SH3RF2: variants seen among roughly 807,000 people sequenced by gnomAD.
SH3RF2 encodes SH3 domain containing ring finger 2, also known as E3 ubiquitin-protein ligase SH3RF2.
A neutral mutation model predicts 59.0 loss-of-function variants in SH3RF2; 43 were observed. The ratio of observed to expected loss-of-function variants is 0.73; its 90% CI spans 0.57 to 0.94. The LOEUF (loss-of-function observed/expected upper bound fraction) is 0.94, where lower values mean the gene tolerates loss of function less well. Among genes scored for constraint, SH3RF2 ranks in the 40% least tolerant of loss-of-function variants. The probability of loss-of-function intolerance (pLI) is 0.00; values close to 1 mark genes in which losing one functional copy is unlikely to be tolerated. For synonymous variants in SH3RF2, 391 were observed against 391.5 expected (o/e 1.00, Z 0.01); for missense variants, 930 against 940.1 (o/e 0.99, Z 0.14).
intron 4 of SH3RF2, among the ~76,000 whole-genome samples, chr5:146,011,164 G>T (rs553975871): frequency 6.6e-6 from 1 of 151,928 alleles, no homozygotes; most frequent in African/African-American, 2.4e-5. Flanking sequence ...TATTTTTGTC[G>T]CGTTTGTCAA....
intron 2 of SH3RF2, among the ~76,000 whole-genome samples, chr5:145,981,473 T>G (rs1467332016): frequency 6.6e-6 from 1 of 152,188 alleles, no homozygotes; most frequent in Non-Finnish European, 1.5e-5. Context: ...GCTGATAAAC[T>G]TCCTAAATCT....
chr5:145,948,254 T>G (rs989778260), intron 2 of SH3RF2, among the ~76,000 whole-genome samples: 2 of 152,208 alleles, frequency 1.3e-5, no homozygotes, highest in African/African-American at 4.8e-5. Flanking sequence ...CACATCAAAA[T>G]TTATCATCCC....
At chr5:145,993,809 A>T (rs1298044830) in intron 2 of SH3RF2, among the ~76,000 whole-genome samples, 1 of 152,200 alleles carries the variant, frequency 6.6e-6, no homozygotes, top group East Asian at 1.9e-4. Context: ...CCCTGGAGAC[A>T]TGTTCCCACC....
intron 2 of SH3RF2, among the ~76,000 whole-genome samples, chr5:145,965,450 T>C (rs998196018): frequency 2.6e-5 from 4 of 152,104 alleles, no homozygotes; most frequent in African/African-American, 9.7e-5. Flanking sequence ...GCCATCATCT[T>C]TTTTTTGCCA....
chr5:146,064,835 A>AG (rs1763055491), downstream of SH3RF2, among the ~76,000 whole-genome samples: 1 of 14,416 alleles, frequency 6.9e-5, no homozygotes, highest in Non-Finnish European at 2.3e-3. Context: ...AAAGAAAGAA[A>AG]GAAAGAAAGA....
At position 145,956,820 on chromosome 5, in the gene SH3RF2, G is replaced by A. The variant is rs529499984; in HGVS notation, c.378+18514G>A. On this transcript the variant is annotated intron_variant, in intron 2 of 9. Coordinates refer to ENST00000359120, the MANE Select transcript of SH3RF2 (RefSeq NM_152550.4). ...AATAAGTTACCTAGGTAATTTGGGAGTTAAAGACAAGGAAATGTGACAGAG... is the reference window on the plus strand; with the variant it reads ...AATAAGTTACCTAGGTAATTTGGGAATTAAAGACAAGGAAATGTGACAGAG... Among the ~76,000 whole-genome samples the A allele has an allele frequency of 2.0e-5, 3 of 152,282 alleles. No homozygotes were observed. The South Asian group carries it at 6.2e-4, about 32-fold the overall frequency.
chr5:145,954,681 T>C (rs1758325581), intron 2 of SH3RF2, among the ~76,000 whole-genome samples: 1 of 152,192 alleles, frequency 6.6e-6, no homozygotes. Context: ...ATTTTTATAG[T>C]TTGGGATTTT....
At chr5:146,006,470 T>C (rs1050873507) in intron 4 of SH3RF2, among the ~76,000 whole-genome samples, 2 of 152,096 alleles carry the variant, frequency 1.3e-5, no homozygotes, top group African/African-American at 4.8e-5. Context: ...GGAGTTATGA[T>C]ATGCAACTTA....
intron 1 of SH3RF2, chr5:145,936,968 T>G (rs903284650): frequency 6.6e-6 from 1 of 152,228 alleles, no homozygotes; most frequent in Non-Finnish European, 1.5e-5. Context: ...GAACAAGTAC[T>G]GTTTTCAGAG....
intron 3 of SH3RF2, among the ~76,000 whole-genome samples, 195 bp downstream of exon 3, chr5:146,000,522 T>C (rs918683720): frequency 6.6e-6 from 1 of 152,230 alleles, no homozygotes; most frequent in African/African-American, 2.4e-5. Flanking sequence ...ATATATGTAA[T>C]ATGTGTGTAC....
Position 145,942,678 on chromosome 5 carries a change from A to G in SH3RF2, c.378+4372A>G, listed in dbSNP as rs565133790. Among the ~76,000 whole-genome samples, 4 of 152,336 alleles carry G rather than the reference A, an allele frequency of 2.6e-5. No homozygotes were observed. The South Asian group carries it at 6.2e-4, about 24-fold the overall frequency. On this transcript the variant is annotated intron_variant, in intron 2 of 9. Transcript: ENST00000359120. ...GGTGCCATCTGGGACAGCAAGGACCATATGTAGTAGGTGGAGGAAGACATA... is the reference window on the plus strand; with the variant it reads ...GGTGCCATCTGGGACAGCAAGGACCGTATGTAGTAGGTGGAGGAAGACATA...
chr5:146,032,900 C>T (rs781317829), intron 5 of SH3RF2, among the ~76,000 whole-genome samples: 1 of 152,200 alleles, frequency 6.6e-6, no homozygotes, highest in Non-Finnish European at 1.5e-5. Flanking sequence ...GACTCCTGCC[C>T]TCTAGAACCT....
At chr5:146,018,055 G>A (rs1018639570) in intron 5 of SH3RF2, among the ~76,000 whole-genome samples, 2 of 152,038 alleles carry the variant, frequency 1.3e-5, no homozygotes, top group African/African-American at 4.8e-5. Flanking sequence ...GAAAACTCTG[G>A]GAGTGAAAGA....
intron 9 of SH3RF2, 143 bp downstream of exon 9, chr5:146,060,367 C>G (rs2150022581): frequency 2.9e-6 from 2 of 701,036 alleles, no homozygotes; most frequent in East Asian, 2.9e-5. Flanking sequence ...CTCCTCCTCC[C>G]CAACTCCCCA....
At chr5:145,972,282 C>T (rs972937947) in intron 2 of SH3RF2, among the ~76,000 whole-genome samples, 3 of 152,060 alleles carry the variant, frequency 2.0e-5, no homozygotes, top group African/African-American at 7.2e-5. Context: ...CCCTTAACTA[C>T]AATAGGTGAA....
chr5:145,937,501 C>CA (rs1757632873), intron 1 of SH3RF2, among the ~76,000 whole-genome samples: 1 of 152,058 alleles, frequency 6.6e-6, no homozygotes, highest in African/African-American at 2.4e-5. Flanking sequence ...TTTCCCCGGG[C>CA]AGGGGGTAAA....
At chr5:146,011,391 C>A (rs975383004) in intron 4 of SH3RF2, among the ~76,000 whole-genome samples, 8 of 152,032 alleles carry the variant, frequency 5.3e-5, no homozygotes, top group African/African-American at 7.2e-5. Context: ...ATGAACTTTA[C>A]AGTAGTTTTT....
chr5:145,939,283 G>A (rs570633407), intron 2 of SH3RF2, among the ~76,000 whole-genome samples: 1 of 152,326 alleles, frequency 6.6e-6, no homozygotes, highest in East Asian at 1.9e-4. Flanking sequence ...TACATTCCTT[G>A]AAGTCTTACC....
intron 9 of SH3RF2, among the ~76,000 whole-genome samples, chr5:146,060,963 C>T (rs957760092): frequency 2.0e-5 from 3 of 152,158 alleles, no homozygotes; most frequent in Non-Finnish European, 4.4e-5. Flanking sequence ...ATGCTTATTG[C>T]TGTCTTAATT....
Sources: gnomAD v4.1 joint callset for allele counts (sites outside exome capture counted in the v4.1 genomes callset) on GRCh38, gnomAD v4.1.1 for gene constraint, MANE v1.5 for transcripts, NCBI Gene and HGNC (gene_info 2026-07-23, HGNC 2026-07-21) for gene names.